ACAP2: variants seen among roughly 807,000 people sequenced by gnomAD.
The protein encoded by ACAP2 is arf-GAP with coiled-coil, ANK repeat and PH domain-containing protein 2.
In ACAP2, 39 loss-of-function variants were observed where a neutral mutation model predicts 115.8. That is an observed-to-expected ratio of 0.34 (90% CI 0.26 to 0.44). The LOEUF (loss-of-function observed/expected upper bound fraction) is 0.44. Ranked by LOEUF, ACAP2 falls within the 20% of genes least tolerant of loss-of-function variation. The pLI is 1.00. For missense variants in ACAP2, 662 were observed against 927.6 expected (o/e 0.71, Z 3.72); for synonymous variants, 289 against 315.8 (o/e 0.92, Z 0.90).
chr3:195,276,899 G>A lies in ACAP2; in HGVS notation c.*2429C>T, dbSNP rs1259077696. On this transcript the variant is annotated 3_prime_UTR_variant, in exon 23 of 23. Transcript: ENST00000326793. ...AGCCACAGAAATGTGTACTTGTATT[G>A]CTAGGCTCCCTGCAATATTAAAGAT... 1 of 152,196 alleles carries A rather than the reference G, an allele frequency of 6.6e-6. No individual in the cohort carries two copies. Among genetic ancestry groups the A allele is most frequent in the Non-Finnish European group, 1.5e-5 (1 of 68,030 alleles). The allele number at this position is 152,196 out of a possible 1,614,324, so 9.4% of individuals were successfully genotyped here.
chr3:195,437,814 C>CAAAA (rs535209837), intron 1 of ACAP2, among the ~76,000 whole-genome samples: 3 of 36,384 alleles, frequency 8.2e-5, no homozygotes, highest in Non-Finnish European at 1.2e-4. Flanking sequence ...GACTCTGTCT[C>CAAAA]AAAAAAAAAA....
intron 1 of ACAP2, among the ~76,000 whole-genome samples, chr3:195,429,794 T>C (rs186582721): frequency 6.6e-6 from 1 of 152,344 alleles, no homozygotes; most frequent in East Asian, 1.9e-4. Context: ...CACAAAAATT[T>C]AATCTTATGT....
chr3:195,308,712 G>C (rs1042466889), intron 11 of ACAP2, 74 bp downstream of exon 11: 1 of 1,219,392 alleles, frequency 8.2e-7, no homozygotes, highest in African/African-American at 1.5e-5. Flanking sequence ...AGTATGTATA[G>C]ACTTCAATGT....
chr3:195,359,758 C>T (rs112551091), intron 4 of ACAP2, among the ~76,000 whole-genome samples: 3,268 of 152,296 alleles, frequency 0.021, 114 homozygotes, highest in East Asian at 0.1. Flanking sequence ...TGAGCCATCG[C>T]GCCTGGCCTA....
chr3:195,331,565 A>G (rs1730169291), intron 8 of ACAP2, among the ~76,000 whole-genome samples: 1 of 151,964 alleles, frequency 6.6e-6, no homozygotes, highest in Non-Finnish European at 1.5e-5. Flanking sequence ...TGCATGCCTC[A>G]GCCTCCCAAA....
chr3:195,406,863 A>G (rs1217683686), intron 1 of ACAP2, among the ~76,000 whole-genome samples: 1 of 152,240 alleles, frequency 6.6e-6, no homozygotes, highest in African/African-American at 2.4e-5. Context: ...CTACAAATTC[A>G]AAATATGTTG....
At chr3:195,309,586 T>C (rs374739317) in intron 10 of ACAP2, among the ~76,000 whole-genome samples, 3 of 151,422 alleles carry the variant, frequency 2.0e-5, no homozygotes, top group East Asian at 3.9e-4. Flanking sequence ...CAGAAAAACA[T>C]TGAAATAAAT....
chr3:195,378,478 G>T (rs527424410), intron 4 of ACAP2, among the ~76,000 whole-genome samples: 1 of 147,774 alleles, frequency 6.8e-6, no homozygotes, highest in African/African-American at 2.5e-5. Flanking sequence ...GCAACAGAGC[G>T]AGACTCCGTC....
intron 10 of ACAP2, among the ~76,000 whole-genome samples, chr3:195,315,173 C>CA (rs1200283174): frequency 6.6e-6 from 1 of 152,204 alleles, no homozygotes; most frequent in Non-Finnish European, 1.5e-5. Context: ...CACACCACCA[C>CA]ACCTGACTAA....
At chr3:195,407,875 G>T (rs193129545) in intron 1 of ACAP2, among the ~76,000 whole-genome samples, 111 of 152,174 alleles carry the variant, frequency 7.3e-4, no homozygotes, top group African/African-American at 2.5e-3. Flanking sequence ...CCAAAAACTC[G>T]TTCTTTGAAA....
At position 195,333,104 on chromosome 3, in the gene ACAP2, G is replaced by T; in HGVS notation, c.593C>A (p.Ala198Asp). The T allele has an allele frequency of 1.9e-6, 3 of 1,604,054 alleles. No individual in the cohort carries two copies. The highest frequency in any genetic ancestry group is 2.6e-6 in the Non-Finnish European group (3 of 1,175,150). The change falls in exon 8 of 23, where the codon GCC becomes GAC. Residue 198 changes from alanine (A) to aspartate (D), a missense_variant. Coordinates refer to ENST00000326793, the MANE Select transcript of ACAP2 (RefSeq NM_012287.6). ...ILKSMLSFMY[A>D]HLAFFHQGYD... ...TCCTTGATGAAAGAAGGCCAAATGG[G>T]CATACATAAATGACAACATCTAATA...
intron 2 of ACAP2, among the ~76,000 whole-genome samples, chr3:195,384,427 T>C (rs1734152998): frequency 6.6e-6 from 1 of 152,142 alleles, no homozygotes; most frequent in African/African-American, 2.4e-5. Context: ...TTTATATACT[T>C]AGAAAATTTT....
At chr3:195,393,297 C>T (rs1044657696) in intron 1 of ACAP2, among the ~76,000 whole-genome samples, 1 of 152,192 alleles carries the variant, frequency 6.6e-6, no homozygotes, top group African/African-American at 2.4e-5. Context: ...AGCCTAGGTG[C>T]CACTGTCTCA....
At chr3:195,396,188 T>A (rs938952579) in intron 1 of ACAP2, among the ~76,000 whole-genome samples, 2 of 151,616 alleles carry the variant, frequency 1.3e-5, no homozygotes, top group African/African-American at 4.8e-5. Context: ...GAGGTGGAGA[T>A]TGCAGTGAGC....
intron 9 of ACAP2, among the ~76,000 whole-genome samples, chr3:195,322,271 G>A (rs906701859): frequency 9.9e-5 from 15 of 151,956 alleles, no homozygotes; most frequent in African/African-American, 3.6e-4. Context: ...AATTCCTCCT[G>A]GACCAATAAT....
chr3:195,420,695 T>C (rs894042695), intron 1 of ACAP2, among the ~76,000 whole-genome samples: 2 of 151,748 alleles, frequency 1.3e-5, no homozygotes, highest in East Asian at 1.9e-4. Context: ...TGGGCTGGAG[T>C]GCAGTGGCGC....
intron 4 of ACAP2, among the ~76,000 whole-genome samples, chr3:195,373,009 A>AAAAAAAAAAAAAAAAAAAAT: frequency 6.7e-6 from 1 of 149,700 alleles, no homozygotes; most frequent in African/African-American, 2.4e-5. Context: ...AAAAAAAAAA[A>AAAAAAAAAAAAAAAAAAAAT]AAAGCCTAAT....
intron 22 of ACAP2, among the ~76,000 whole-genome samples, chr3:195,285,048 A>C (rs1406395152): frequency 6.6e-6 from 1 of 152,242 alleles, no homozygotes; most frequent in East Asian, 1.9e-4. Flanking sequence ...AAGTAGAATA[A>C]ATCTACTTTG....
chr3:195,437,062 T>A (rs1228563677), intron 1 of ACAP2, among the ~76,000 whole-genome samples: 1 of 152,202 alleles, frequency 6.6e-6, no homozygotes, highest in Non-Finnish European at 1.5e-5. Context: ...TAATTTTTTT[T>A]AAAGAGACAG....
Sources: gnomAD v4.1 joint callset for allele counts (sites outside exome capture counted in the v4.1 genomes callset) on GRCh38, gnomAD v4.1.1 for gene constraint, MANE v1.5 for transcripts, NCBI Gene and HGNC (gene_info 2026-07-23, HGNC 2026-07-21) for gene names.